SORL1: variants seen among roughly 807,000 people sequenced by gnomAD.
The protein encoded by SORL1 is sortilin-related receptor.
In SORL1, 127 loss-of-function variants were observed where a neutral mutation model predicts 273.7. That is an observed-to-expected ratio of 0.46 (90% CI 0.40 to 0.54). The LOEUF is 0.54. SORL1 is among the 20% of genes least tolerant of loss of function. SORL1 has a pLI of 0.00. For synonymous variants in SORL1, 1,031 were observed against 1,067.4 expected (o/e 0.97, Z 0.66); for missense variants, 2,494 against 2,846.1 (o/e 0.88, Z 2.81).
rs1256618690 is a variant in SORL1 at position 121,595,871 on chromosome 11, G to A, written c.4519+99G>A. On this transcript the variant is annotated intron_variant, in intron 32 of 47. Coordinates refer to ENST00000260197, the MANE Select transcript of SORL1 (RefSeq NM_003105.6). This position sits in a 1 kb window ranked among gnomAD's most constrained non-coding sequence, Gnocchi z 5.1. ...TTTCTGGATCAGCACACGCCTGTGT[G>A]TGAGTCTGTGTACTTGCGTAACCAT... The A allele has an allele frequency of 2.9e-5, 38 of 1,312,154 alleles. No homozygotes were observed. Among genetic ancestry groups the A allele is most frequent in the Non-Finnish European group, 3.8e-5 (36 of 955,154 alleles). 81.3% of individuals were successfully genotyped at this position (1,312,154 alleles called of 1,614,324 possible).
In SORL1 at chr11:121,496,822, T is replaced by A. The variant is rs759840646; in HGVS notation, c.759-47T>A. The A allele has an allele frequency of 1.5e-5, 23 of 1,529,508 alleles. No homozygotes were observed. The Admixed American group carries it at 4.4e-4, about 29-fold the overall frequency. The allele number at this position is 1,529,508 out of a possible 1,614,324, so 94.7% of individuals were successfully genotyped here. On this transcript the variant is annotated intron_variant, in intron 5 of 47. Coordinates refer to ENST00000260197, the MANE Select transcript of SORL1 (RefSeq NM_003105.6). ...CATTGCAAAACTTCCATGCCTCTAGTAATTAAATGTGCAAATGATAACAAC... is the reference window on the plus strand; with the variant it reads ...CATTGCAAAACTTCCATGCCTCTAGAAATTAAATGTGCAAATGATAACAAC...
intron 25 of SORL1, among the ~76,000 whole-genome samples, chr11:121,581,205 G>A (rs1440228721): frequency 2.6e-5 from 4 of 152,180 alleles, no homozygotes; most frequent in African/African-American, 9.7e-5. Context: ...GAGCTACCAC[G>A]CCTCATGCGT....
At chr11:121,622,357 A>G in intron 45 of SORL1, 89 bp downstream of exon 45, 2 of 577,398 alleles carry the variant, frequency 3.5e-6, no homozygotes. Flanking sequence ...GCTGGCATAG[A>G]TAGTGTAAAA....
At chr11:121,524,733 T>C (rs1862094256) in intron 11 of SORL1, among the ~76,000 whole-genome samples, 1 of 152,090 alleles carries the variant, frequency 6.6e-6, no homozygotes, top group African/African-American at 2.4e-5. Context: ...TTTTAAATAA[T>C]TTTTATTTCT....
intron 29 of SORL1, among the ~76,000 whole-genome samples, chr11:121,589,674 T>C (rs1863180064): frequency 6.6e-6 from 1 of 152,198 alleles, no homozygotes. Flanking sequence ...ATGGTAAATA[T>C]TATGGAGTGA....
intron 41 of SORL1, among the ~76,000 whole-genome samples, chr11:121,617,274 C>T (rs796139082): frequency 2.6e-5 from 4 of 152,258 alleles, no homozygotes; most frequent in African/African-American, 9.6e-5. Flanking sequence ...GAAGGTTCCC[C>T]CACAAAGGAC....
chr11:121,600,765 C>T (rs1863376121), intron 32 of SORL1, among the ~76,000 whole-genome samples: 1 of 152,298 alleles, frequency 6.6e-6, no homozygotes, highest in East Asian at 1.9e-4. Flanking sequence ...TTTTAGAGAA[C>T]CTGTCCCCTG....
intron 6 of SORL1, among the ~76,000 whole-genome samples, chr11:121,497,827 G>A (rs1036551026): frequency 1.3e-5 from 2 of 152,174 alleles, no homozygotes; most frequent in Non-Finnish European, 2.9e-5. Flanking sequence ...AGGGTCTGTT[G>A]AAGGCCTTTG....
Position 121,539,456 on chromosome 11 carries a change from G to A in SORL1, c.1686-4092G>A, listed in dbSNP as rs923774216. ...ATCTTTGTTCTTCATAATTCTCCTA[G>A]AGATTATTGAAAAGGATGCTATAAT... On this transcript the variant is annotated intron_variant, in intron 12 of 47. Transcript: ENST00000260197. Among the ~76,000 whole-genome samples the A allele has an allele frequency of 1.6e-4, 24 of 152,222 alleles. 1 individual carries two copies. The highest frequency in any genetic ancestry group is 1.3e-3 in the Admixed American group (20 of 15,292).
chr11:121,566,540 G>A (rs1168599322), intron 21 of SORL1, among the ~76,000 whole-genome samples: 1 of 152,274 alleles, frequency 6.6e-6, no homozygotes, highest in African/African-American at 2.4e-5. Flanking sequence ...ACGGTCTGCA[G>A]ACTGAGCTTA....
intron 25 of SORL1, among the ~76,000 whole-genome samples, chr11:121,577,628 C>A (rs576619899): frequency 6.6e-6 from 1 of 152,202 alleles, no homozygotes; most frequent in Non-Finnish European, 1.5e-5. Context: ...TGAGTGATAT[C>A]GTTGATTTAT....
At chr11:121,516,065 A>G (rs924864986) in intron 8 of SORL1, among the ~76,000 whole-genome samples, 10 of 152,270 alleles carry the variant, frequency 6.6e-5, no homozygotes, top group Admixed American at 6.5e-4. Context: ...TGAAAAGAAT[A>G]TAACACATAA....
At chr11:121,619,669 A>G in intron 42 of SORL1, 84 bp from the exon 43 acceptor site, 3 of 1,088,788 alleles carry the variant, frequency 2.8e-6, no homozygotes, top group Admixed American at 4.8e-5. Context: ...AATTGTTGTC[A>G]TTATTTTGTT....
At chr11:121,467,800 A>C (rs1861106505) in intron 1 of SORL1, among the ~76,000 whole-genome samples, 1 of 151,938 alleles carries the variant, frequency 6.6e-6, no homozygotes, top group Non-Finnish European at 1.5e-5. Flanking sequence ...TAAATAATTT[A>C]TTTACTTCTA....
Position 121,470,092 on chromosome 11 carries a change from G to C in SORL1, c.371G>C (p.Ser124Thr), listed in dbSNP as rs1861146352. 1.9e-6 allele frequency: 3 copies of C among 1,614,060 alleles called. No homozygotes were observed. The East Asian group carries it at 6.7e-5, about 36-fold the overall frequency. ...GTGATCGTGGCCTTGGCCCGAGATAGCCTGGCATTGGCGAGGCCCAAGAGC... is the reference window on the plus strand; with the variant it reads ...GTGATCGTGGCCTTGGCCCGAGATACCCTGGCATTGGCGAGGCCCAAGAGC... ...SNVIVALARD[S>T]LALARPKSSD... Residue 124 changes from serine to threonine, a missense_variant, in exon 2 of 48, where the codon AGC becomes ACC. Transcript: ENST00000260197.
intron 8 of SORL1, among the ~76,000 whole-genome samples, chr11:121,518,947 TTTTC>T (rs1861993149): frequency 6.7e-6 from 1 of 148,944 alleles, no homozygotes; most frequent in Admixed American, 6.7e-5. Flanking sequence ...TCTTTTTTCT[TTTTC>T]TTTTTTTTTT....
intron 3 of SORL1, among the ~76,000 whole-genome samples, chr11:121,478,495 G>A (rs1185065017): frequency 6.6e-6 from 1 of 152,212 alleles, no homozygotes; most frequent in Non-Finnish European, 1.5e-5. Context: ...TTAAACCACA[G>A]AAAATCAGCC....
At chr11:121,511,987 A>G (rs1861887091) in intron 6 of SORL1, among the ~76,000 whole-genome samples, 1 of 152,200 alleles carries the variant, frequency 6.6e-6, no homozygotes, top group Admixed American at 6.5e-5. Flanking sequence ...ACATGAGGGT[A>G]TGCCTCCCTG....
intron 46 of SORL1, among the ~76,000 whole-genome samples, chr11:121,625,886 CT>C (rs896873182): frequency 6.6e-6 from 1 of 152,124 alleles, no homozygotes; most frequent in Non-Finnish European, 1.5e-5. Flanking sequence ...TGCCACTGGT[CT>C]TTTTTAGTTC....
Sources: gnomAD v4.1 joint callset for allele counts (sites outside exome capture counted in the v4.1 genomes callset) on GRCh38, gnomAD v4.1.1 for gene constraint, Gnocchi (gnomAD v3.1) non-coding constraint, MANE v1.5 for transcripts, NCBI Gene and HGNC (gene_info 2026-07-23, HGNC 2026-07-21) for gene names.